The following PTPRK variants were observed in gnomAD, a reference collection of about 807,000 sequenced individuals.
The protein encoded by PTPRK is receptor-type tyrosine-protein phosphatase kappa.
A neutral mutation model predicts 178.0 loss-of-function variants in PTPRK; 75 were observed. That is an observed-to-expected ratio of 0.42 (90% CI 0.35 to 0.51). The LOEUF is 0.51. PTPRK is among the 20% of genes least tolerant of loss of function. The pLI, the probability that PTPRK is intolerant of heterozygous loss-of-function variation, is 0.02. For synonymous variants in PTPRK, 637 were observed against 620.6 expected (o/e 1.03, Z -0.39); for missense variants, 1,441 against 1,797.8 (o/e 0.80, Z 3.59).
chr6:128,118,399 T>C (rs1791911330), intron 7 of PTPRK, among the ~76,000 whole-genome samples: 1 of 152,198 alleles, frequency 6.6e-6, no homozygotes. Flanking sequence ...ATACAGGACG[T>C]AGAATTCAGA....
At position 128,520,368 on chromosome 6, in the gene PTPRK, G is replaced by A. The variant is rs1477901409; in HGVS notation, c.-10C>T. ...CCGCAGTCGTATCCATGCCGAGTTT[G>A]GGAGAAGTTTCAAGCAGCTTTGCAA... On this transcript the variant is annotated 5_prime_UTR_variant, in exon 1 of 30. Transcript: ENST00000368226. 1.3e-6 allele frequency: 2 copies of A among 1,599,364 alleles called. No individual in the cohort carries two copies. Among genetic ancestry groups the A allele is most frequent in the Non-Finnish European group, 1.7e-6 (2 of 1,172,612 alleles).
rs1224176672 is a variant in PTPRK at position 128,195,820 on chromosome 6, C to T, written c.869-11095G>A. ...CATAGCAAAGAAAATTTGTCATTAG[C>T]TTATATAGATCCAACTAAGTTTTAT... On this transcript the variant is annotated intron_variant, in intron 6 of 29. Coordinates refer to ENST00000368226, the MANE Select transcript of PTPRK (RefSeq NM_002844.4). Among the ~76,000 whole-genome samples, 4 of 152,022 alleles carry T rather than the reference C, an allele frequency of 2.6e-5. No individual in the cohort carries two copies. The East Asian group carries it at 7.7e-4, about 29-fold the overall frequency.
In PTPRK at chr6:128,217,343, T is replaced by C. The variant is rs771734108; in HGVS notation, c.868+1579A>G. 1.9e-4 allele frequency among the ~76,000 whole-genome samples: 29 copies of C among 152,206 alleles called. No homozygotes were observed. In the East Asian group the frequency reaches 3.1e-3, roughly 16 times the overall value. On this transcript the variant is annotated intron_variant, in intron 6 of 29. Transcript: ENST00000368226. Reference sequence around the variant, plus strand: ...ACTGAAAATAGTCGTATTTAATCTATAAAGTTTTTTTAAAAAATGAGTGAT... The same window carrying C: ...ACTGAAAATAGTCGTATTTAATCTACAAAGTTTTTTTAAAAAATGAGTGAT...
chr6:128,451,879 A>G (rs1847839952), intron 1 of PTPRK, among the ~76,000 whole-genome samples: 1 of 152,208 alleles, frequency 6.6e-6, no homozygotes, highest in African/African-American at 2.4e-5. Context: ...AGCTATCTAC[A>G]TTATAGCATG....
intron 13 of PTPRK, among the ~76,000 whole-genome samples, chr6:128,042,538 A>G (rs1358066885): frequency 6.6e-6 from 1 of 152,022 alleles, no homozygotes; most frequent in Non-Finnish European, 1.5e-5. Context: ...TGCTTCTGTC[A>G]TCACATCCCT....
At chr6:128,340,765 T>C (rs780748440) in intron 2 of PTPRK, 5 of 480,530 alleles carry the variant, frequency 1.0e-5, no homozygotes, top group African/African-American at 4.0e-5. Flanking sequence ...CTTCTTTGTT[T>C]TATATTTTAC....
chr6:128,059,844 T>C (rs1780516249), intron 13 of PTPRK, among the ~76,000 whole-genome samples: 1 of 152,194 alleles, frequency 6.6e-6, no homozygotes, highest in South Asian at 2.1e-4. Context: ...TATCATTCTG[T>C]CAAAAATTAT....
At chr6:128,481,755 T>A (rs1852112129) in intron 1 of PTPRK, among the ~76,000 whole-genome samples, 3 of 152,096 alleles carry the variant, frequency 2.0e-5, no homozygotes, top group African/African-American at 4.8e-5. Context: ...GTAGTCTTCA[T>A]CCTCTACCAA....
chr6:128,198,183 A>G (rs2128255637), intron 6 of PTPRK, among the ~76,000 whole-genome samples: 1 of 152,322 alleles, frequency 6.6e-6, no homozygotes, highest in Middle Eastern at 3.4e-3. Context: ...ACTAAGTTTT[A>G]TGATGCAGCA....
chr6:127,986,427 T>G (rs1775987462), intron 21 of PTPRK, among the ~76,000 whole-genome samples: 1 of 152,216 alleles, frequency 6.6e-6, no homozygotes, highest in Non-Finnish European at 1.5e-5. Context: ...GGCAAACTAT[T>G]TTTCTTAGCT....
At chr6:128,236,499 C>T (rs1813302901) in intron 5 of PTPRK, among the ~76,000 whole-genome samples, 1 of 151,860 alleles carries the variant, frequency 6.6e-6, no homozygotes, top group South Asian at 2.1e-4. Flanking sequence ...GATGCGCGCA[C>T]CACCACGCCC....
At chr6:128,273,991 T>C (rs1035671689) in intron 3 of PTPRK, among the ~76,000 whole-genome samples, 2 of 152,172 alleles carry the variant, frequency 1.3e-5, no homozygotes, top group African/African-American at 4.8e-5. Flanking sequence ...ACATATTTCA[T>C]TGAATTTATT....
At chr6:128,397,172 C>A (rs759608436) in intron 2 of PTPRK, among the ~76,000 whole-genome samples, 21 of 152,264 alleles carry the variant, frequency 1.4e-4, no homozygotes, top group South Asian at 6.2e-4. Flanking sequence ...TAATAAAATT[C>A]TTTCCCTTCA....
At chr6:128,453,655 T>C (rs1848060175) in intron 1 of PTPRK, among the ~76,000 whole-genome samples, 2 of 152,190 alleles carry the variant, frequency 1.3e-5, no homozygotes, top group Non-Finnish European at 2.9e-5. Flanking sequence ...CTGATAAAGT[T>C]TGGCAAGAGG....
At chr6:128,295,329 C>G (rs1244845960) in intron 3 of PTPRK, among the ~76,000 whole-genome samples, 6 of 152,082 alleles carry the variant, frequency 3.9e-5, no homozygotes, top group Non-Finnish European at 8.8e-5. Context: ...ATTTGCCAAC[C>G]TCTGTTACAG....
intron 7 of PTPRK, among the ~76,000 whole-genome samples, chr6:128,112,060 T>C (rs1018990848): frequency 6.6e-5 from 10 of 152,098 alleles, no homozygotes; most frequent in African/African-American, 2.2e-4. Context: ...TTACTATCCA[T>C]GTCTGAGCAT....
chr6:127,984,796 GA>G (rs1301823842), intron 22 of PTPRK, among the ~76,000 whole-genome samples: 4 of 152,172 alleles, frequency 2.6e-5, no homozygotes, highest in African/African-American at 9.7e-5. Flanking sequence ...CCCAGAGTTG[GA>G]GACAGGAATG....
intron 1 of PTPRK, among the ~76,000 whole-genome samples, chr6:128,417,892 TTGTG>T (rs1843016835): frequency 6.6e-6 from 1 of 152,188 alleles, no homozygotes. Flanking sequence ...GGCAACCACT[TTGTG>T]TGTGTTCCTC....
intron 3 of PTPRK, among the ~76,000 whole-genome samples, chr6:128,261,505 C>A (rs1292745341): frequency 6.6e-6 from 1 of 152,046 alleles, no homozygotes; most frequent in Non-Finnish European, 1.5e-5. Context: ...GTTTGTAACA[C>A]AGTAAAAACT....
Sources: gnomAD v4.1 joint callset for allele counts (sites outside exome capture counted in the v4.1 genomes callset) on GRCh38, gnomAD v4.1.1 for gene constraint, MANE v1.5 for transcripts, NCBI Gene and HGNC (gene_info 2026-07-23, HGNC 2026-07-21) for gene names.